The following LHFPL3 variants were observed in gnomAD, a reference collection of about 807,000 sequenced individuals.
The protein encoded by LHFPL3 is LHFPL tetraspan subfamily member 3, also known as LHFPL tetraspan subfamily member 3 protein.
LHFPL3 carries 5 observed loss-of-function variants against 19.3 expected under a neutral mutation model. That is an observed-to-expected ratio of 0.26 (90% confidence interval 0.14 to 0.54). The LOEUF (loss-of-function observed/expected upper bound fraction) is 0.54. Among genes scored for constraint, LHFPL3 ranks in the 20% least tolerant of loss-of-function variants. The pLI, the probability that LHFPL3 is intolerant of heterozygous loss-of-function variation, is 0.94. For missense variants in LHFPL3, 249 were observed against 307.4 expected (o/e 0.81, Z 1.42); for synonymous variants, 133 against 126.2 (o/e 1.05, Z -0.36).
At chr7:104,858,957 AT>A (rs1207452625) in intron 2 of LHFPL3, among the ~76,000 whole-genome samples, 228 of 62,676 alleles carry the variant, frequency 3.6e-3, no homozygotes, top group African/African-American at 0.013. Flanking sequence ...CTAAAATTTT[AT>A]TTAAAAAAAA....
At position 104,667,759 on chromosome 7, in the gene LHFPL3, C is replaced by T. The variant is rs1049280714; in HGVS notation, c.446-68916C>T. 6.3e-6 allele frequency: 10 copies of T among 1,590,004 alleles called. No individual in the cohort carries two copies. The African/African-American group carries it at 1.2e-4, about 19-fold the overall frequency. ...TTTCCCTCTGCCAACATGGCGGCCT[C>T]AGCAAAAAAGAAGAATAAGAAGGGG... On this transcript the variant is annotated intron_variant, in intron 1 of 2. Coordinates refer to ENST00000424859, the MANE Select transcript of LHFPL3 (RefSeq NM_199000.3).
intron 1 of LHFPL3, among the ~76,000 whole-genome samples, chr7:104,500,984 T>A (rs1017723126): frequency 6.6e-6 from 1 of 152,252 alleles, no homozygotes; most frequent in Non-Finnish European, 1.5e-5. Flanking sequence ...TAGCTTAACC[T>A]GTATAGAGTT....
intron 2 of LHFPL3, among the ~76,000 whole-genome samples, chr7:104,824,377 T>G (rs770465322): frequency 0.051 from 766 of 15,082 alleles, 26 homozygotes; most frequent in Admixed American, 0.075. Context: ...ATATTTTATA[T>G]ATAATATATA....
At chr7:104,371,071 C>T (rs1790604193) in intron 1 of LHFPL3, among the ~76,000 whole-genome samples, 1 of 152,098 alleles carries the variant, frequency 6.6e-6, no homozygotes, top group Non-Finnish European at 1.5e-5. Context: ...GCCAGCAAAG[C>T]CCTTCCTGTT....
intron 1 of LHFPL3, among the ~76,000 whole-genome samples, chr7:104,605,268 T>C (rs916628118): frequency 3.5e-4 from 54 of 152,242 alleles, no homozygotes; most frequent in African/African-American, 1.3e-3. Context: ...CTCTCCCCTT[T>C]CCAATAATCT....
chr7:104,900,158 G>A (rs1792455266), intron 2 of LHFPL3, among the ~76,000 whole-genome samples: 1 of 152,198 alleles, frequency 6.6e-6, no homozygotes, highest in African/African-American at 2.4e-5. Context: ...ATATGGAATG[G>A]CTTCATGCCA....
intron 1 of LHFPL3, among the ~76,000 whole-genome samples, chr7:104,444,800 C>A (rs1432185396): frequency 1.3e-5 from 2 of 152,066 alleles, no homozygotes; most frequent in Non-Finnish European, 2.9e-5. Flanking sequence ...ACCAGCCTGA[C>A]CAACATGGAG....
intron 2 of LHFPL3, among the ~76,000 whole-genome samples, chr7:104,855,987 C>T (rs1007397858): frequency 6.6e-6 from 1 of 152,164 alleles, no homozygotes; most frequent in Non-Finnish European, 1.5e-5. Flanking sequence ...CTCCCAACCC[C>T]ATCTATGACT....
intron 1 of LHFPL3, among the ~76,000 whole-genome samples, chr7:104,486,842 T>C (rs1409885653): frequency 6.6e-6 from 1 of 152,200 alleles, no homozygotes; most frequent in Non-Finnish European, 1.5e-5. Flanking sequence ...GGATGCTTTA[T>C]TTATTTTTCA....
intron 2 of LHFPL3, among the ~76,000 whole-genome samples, chr7:104,873,863 T>C (rs1380261440): frequency 6.6e-6 from 1 of 152,212 alleles, no homozygotes; most frequent in Non-Finnish European, 1.5e-5. Flanking sequence ...CTGCACCCAT[T>C]TAACAAAGCT....
chr7:104,643,999 C>A (rs1313451987), intron 1 of LHFPL3, among the ~76,000 whole-genome samples: 1 of 152,180 alleles, frequency 6.6e-6, no homozygotes, highest in African/African-American at 2.4e-5. Context: ...CGGATGTCAA[C>A]TACTAGTTCT....
intron 1 of LHFPL3, among the ~76,000 whole-genome samples, chr7:104,711,276 T>A (rs959827629): frequency 1.3e-5 from 2 of 152,212 alleles, no homozygotes; most frequent in African/African-American, 4.8e-5. Flanking sequence ...AGATGCCAGC[T>A]GCAATTTAGA....
intron 2 of LHFPL3, among the ~76,000 whole-genome samples, chr7:104,859,960 CTG>C (rs1490730293): frequency 4.6e-5 from 7 of 152,134 alleles, no homozygotes; most frequent in Non-Finnish European, 8.8e-5. Context: ...TAAGGGAACT[CTG>C]TACCTTCTGC....
chr7:104,565,704 C>T (rs1305008602), intron 1 of LHFPL3, among the ~76,000 whole-genome samples: 1 of 147,636 alleles, frequency 6.8e-6, no homozygotes, highest in Non-Finnish European at 1.5e-5. Context: ...AGTTTCCCTG[C>T]ACCTTCCTGT....
Position 104,537,204 on chromosome 7 carries a change from G to T in LHFPL3, c.446-199471G>T, listed in dbSNP as rs374074864. Among the ~76,000 whole-genome samples the T allele has an allele frequency of 2.5e-4, 38 of 152,230 alleles. 2 individuals are homozygous for T. In the South Asian group the frequency reaches 7.9e-3, roughly 32 times the overall value. On this transcript the variant is annotated intron_variant, in intron 1 of 2. Transcript: ENST00000424859. ...AACACCCCATCTCCATCTGGTCACT[G>T]CTGCTTGCTAATCTAAAAAGAGACT... is the stretch of plus-strand genomic sequence containing the variant.
intron 1 of LHFPL3, among the ~76,000 whole-genome samples, chr7:104,710,044 A>G (rs1793271359): frequency 6.6e-6 from 1 of 152,198 alleles, no homozygotes; most frequent in Non-Finnish European, 1.5e-5. Context: ...TTGAGCACTG[A>G]GTGAGCGAGA....
intron 2 of LHFPL3, among the ~76,000 whole-genome samples, chr7:104,901,682 C>G (rs147476714): frequency 6.6e-6 from 1 of 152,132 alleles, no homozygotes; most frequent in Non-Finnish European, 1.5e-5. Flanking sequence ...ATCCTCCCAC[C>G]TAAACCTCCC....
intron 1 of LHFPL3, among the ~76,000 whole-genome samples, chr7:104,604,251 C>G (rs1791045844): frequency 6.6e-6 from 1 of 152,206 alleles, no homozygotes. Flanking sequence ...CCTGACCCTG[C>G]CAGAGCTATG....
At chr7:104,685,835 T>C (rs1262323019) in intron 1 of LHFPL3, among the ~76,000 whole-genome samples, 1 of 152,224 alleles carries the variant, frequency 6.6e-6, no homozygotes, top group Non-Finnish European at 1.5e-5. Flanking sequence ...GAGCAGTTGT[T>C]CCTTCAGGCT....
Sources: gnomAD v4.1 joint callset for allele counts (sites outside exome capture counted in the v4.1 genomes callset) on GRCh38, gnomAD v4.1.1 for gene constraint, MANE v1.5 for transcripts, NCBI Gene and HGNC (gene_info 2026-07-23, HGNC 2026-07-21) for gene names.